DAB1: variants seen among roughly 807,000 people sequenced by gnomAD.
DAB1 encodes DAB adaptor protein 1, also known as disabled homolog 1.
In DAB1, 15 loss-of-function variants were observed where a neutral mutation model predicts 64.6. The observed-to-expected ratio is 0.23, with a 90% confidence interval of 0.16 to 0.36. DAB1 has a LOEUF of 0.36. DAB1 is among the 10% of genes least tolerant of loss of function. DAB1 has a pLI of 1.00. For synonymous variants in DAB1, 235 were observed against 251.9 expected (o/e 0.93, Z 0.64); for missense variants, 596 against 706.7 (o/e 0.84, Z 1.78).
intron 6 of DAB1, among the ~76,000 whole-genome samples, chr1:57,713,359 T>C (rs374230700): frequency 8.5e-5 from 13 of 152,284 alleles, no homozygotes; most frequent in East Asian, 3.9e-4. Context: ...TAATAAATTT[T>C]GATAGGTTAC....
At chr1:58,006,783 C>T (rs1168744441) in intron 5 of DAB1, among the ~76,000 whole-genome samples, 1 of 152,170 alleles carries the variant, frequency 6.6e-6, no homozygotes, top group Non-Finnish European at 1.5e-5. Context: ...CTCTCTGCCT[C>T]CCGTCCCTCA....
chr1:57,466,271 C>T (rs1270162486), intron 7 of DAB1, among the ~76,000 whole-genome samples: 1 of 152,112 alleles, frequency 6.6e-6, no homozygotes, highest in Non-Finnish European at 1.5e-5. Flanking sequence ...TTTCTGTAGC[C>T]ACATCAAATA....
At chr1:57,057,810 G>A (rs571327781) in intron 9 of DAB1, among the ~76,000 whole-genome samples, 2,551 of 151,584 alleles carry the variant, frequency 0.017, 84 homozygotes, top group African/African-American at 0.059. Flanking sequence ...GGGTTTCACT[G>A]TATTAGCCAG....
At position 57,844,866 on chromosome 1, in the gene DAB1, A is replaced by C. The variant is rs532504053; in HGVS notation, n.88-18411T>G. Among the ~76,000 whole-genome samples the C allele has an allele frequency of 1.4e-4, 21 of 152,232 alleles. No homozygotes were observed. In the South Asian group the frequency reaches 1.9e-3, roughly 14 times the overall value. On this transcript the variant is annotated intron_variant and non_coding_transcript_variant, in intron 1 of 1. Transcript: ENST00000477280. ...AGCTCTGACTCCCACCTGCCCAGGT[A>C]ACAGTTACCCATCCCCTCCACCCCC...
At chr1:57,876,473 T>C (rs1644048864) in intron 1 of DAB1, 1 of 152,246 alleles carries the variant, frequency 6.6e-6, no homozygotes. Flanking sequence ...ATTGTTGTGA[T>C]GATCTGTTGA....
At chr1:58,475,117 A>G (rs1645405872) in intron 3 of DAB1, among the ~76,000 whole-genome samples, 1 of 152,222 alleles carries the variant, frequency 6.6e-6, no homozygotes, top group South Asian at 2.1e-4. Context: ...AGCACTCTCC[A>G]GACAAGAGCC....
At chr1:57,690,862 T>C (rs1646755470) in intron 6 of DAB1, among the ~76,000 whole-genome samples, 1 of 152,200 alleles carries the variant, frequency 6.6e-6, no homozygotes, top group African/African-American at 2.4e-5. Flanking sequence ...GAAATTCTTA[T>C]TGTAGTTTTG....
intron 6 of DAB1, among the ~76,000 whole-genome samples, chr1:57,714,066 G>C (rs1031995625): frequency 6.6e-5 from 10 of 152,138 alleles, no homozygotes; most frequent in Non-Finnish European, 1.5e-4. Flanking sequence ...TCAGTCTGGT[G>C]GGGGAAGTAG....
chr1:57,854,336 G>T (rs892176421), intron 1 of DAB1, among the ~76,000 whole-genome samples: 1 of 152,150 alleles, frequency 6.6e-6, no homozygotes. Flanking sequence ...TGTCTTCAAG[G>T]TCTCATTACT....
At chr1:57,211,496 G>T (rs1036584892) in intron 2 of DAB1, among the ~76,000 whole-genome samples, 1 of 152,146 alleles carries the variant, frequency 6.6e-6, no homozygotes, top group African/African-American at 2.4e-5. Flanking sequence ...TCAAATCCTT[G>T]CTTTGAATCA....
In DAB1 at chr1:58,445,813, A is replaced by G. The variant is rs539971863; in HGVS notation, n.257+60247T>C. Among the ~76,000 whole-genome samples the G allele has an allele frequency of 1.6e-4, 24 of 152,330 alleles. No individual in the cohort carries two copies. In the South Asian group the frequency reaches 4.6e-3, roughly 29 times the overall value. On this transcript the variant is annotated intron_variant and non_coding_transcript_variant, in intron 3 of 20. Coordinates refer to the DAB1 transcript ENST00000485760. ...ACTCCACTTGTTATTCCCAAAAAAC[A>G]TAAGAGAAAGGAGACTTCATCACCT...
chr1:57,283,206 G>T (rs1672053012), intron 2 of DAB1, among the ~76,000 whole-genome samples: 1 of 152,186 alleles, frequency 6.6e-6, no homozygotes, highest in South Asian at 2.1e-4. Context: ...AAGCATACAT[G>T]ATGGCTATTA....
At chr1:58,187,376 T>C (rs1657136456) in intron 4 of DAB1, among the ~76,000 whole-genome samples, 1 of 150,686 alleles carries the variant, frequency 6.6e-6, no homozygotes, top group African/African-American at 2.4e-5. Flanking sequence ...ACTCAGGAAG[T>C]TGAAGTGGGA....
At chr1:57,535,228 TACA>T (rs1339449808) in intron 7 of DAB1, among the ~76,000 whole-genome samples, 3 of 152,200 alleles carry the variant, frequency 2.0e-5, no homozygotes, top group African/African-American at 4.8e-5. Context: ...CTATCTTTCC[TACA>T]ACAATATAAA....
chr1:58,145,213 G>A (rs530134683), intron 5 of DAB1, among the ~76,000 whole-genome samples: 4 of 152,316 alleles, frequency 2.6e-5, no homozygotes, highest in African/African-American at 7.2e-5. Context: ...CGGAGGATGC[G>A]GGAATGGTGA....
chr1:58,254,409 A>C (rs1203265640), intron 4 of DAB1, among the ~76,000 whole-genome samples: 1 of 135,662 alleles, frequency 7.4e-6, no homozygotes, highest in Admixed American at 7.3e-5. Context: ...TTTTTTTATT[A>C]TACTTTAAGT....
At chr1:57,360,352 T>A (rs1679448819) in intron 1 of DAB1, among the ~76,000 whole-genome samples, 1 of 152,110 alleles carries the variant, frequency 6.6e-6, no homozygotes, top group African/African-American at 2.4e-5. Context: ...GACTACTTTA[T>A]CTTCTTACAT....
intron 7 of DAB1, among the ~76,000 whole-genome samples, chr1:57,523,676 C>T (rs951663225): frequency 6.6e-6 from 1 of 152,164 alleles, no homozygotes; most frequent in Non-Finnish European, 1.5e-5. Flanking sequence ...AATCCCAGCA[C>T]TTCGGGAGGC....
intron 3 of DAB1, among the ~76,000 whole-genome samples, chr1:58,499,314 CAAAAAAAAAAAA>C (rs58217798): frequency 1.3e-4 from 9 of 69,738 alleles, no homozygotes; most frequent in African/African-American, 3.9e-4. Context: ...CACATCTCTA[CAAAAAAAAAAAA>C]AAAAAAAAAA....
Sources: gnomAD v4.1 joint callset for allele counts (sites outside exome capture counted in the v4.1 genomes callset) on GRCh38, gnomAD v4.1.1 for gene constraint, MANE v1.5 for transcripts, NCBI Gene and HGNC (gene_info 2026-07-23, HGNC 2026-07-21) for gene names.